HBS1L: variants seen among roughly 807,000 people sequenced by gnomAD.
The protein encoded by HBS1L is HBS1 like translational GTPase, also known as HBS1-like protein.
Under a neutral mutation model 88.9 loss-of-function variants are expected in HBS1L, and 55 were observed. That is an observed-to-expected ratio of 0.62 (90% confidence interval 0.50 to 0.77). HBS1L has a LOEUF of 0.77. HBS1L is among the 30% of genes least tolerant of loss of function. HBS1L has a pLI of 0.00. For synonymous variants in HBS1L, 267 were observed against 288.5 expected (o/e 0.93, Z 0.76); for missense variants, 741 against 829.3 (o/e 0.89, Z 1.31).
At chr6:135,010,500 T>C (rs1775745458) in intron 4 of HBS1L, among the ~76,000 whole-genome samples, 2 of 152,232 alleles carry the variant, frequency 1.3e-5, no homozygotes, top group Admixed American at 6.5e-5. Context: ...TGGCTATTTC[T>C]GTACCTATTA....
intron 5 of HBS1L, 87 bp from the exon 6 acceptor site, chr6:134,997,743 A>C (rs776839389): frequency 1.2e-5 from 15 of 1,217,528 alleles, no homozygotes; most frequent in Non-Finnish European, 1.6e-5. Flanking sequence ...CTGTTTCTTC[A>C]TAATCCTTTA....
At chr6:135,037,527 G>A in intron 4 of HBS1L, 1 of 1,550,482 alleles carries the variant, frequency 6.4e-7, no homozygotes, top group South Asian at 1.2e-5. Context: ...GTACTGGAAT[G>A]TTTTGAAAAT....
Position 134,979,290 on chromosome 6 carries a change from A to G in HBS1L, c.1598-22T>C, listed in dbSNP as rs1249568233. On this transcript the variant is annotated intron_variant, in intron 13 of 17. Transcript: ENST00000367837. ...ATTCCTGGAAATGAGTAAGAACCAA[A>G]GCATACAGTGAAACACCTCGATATC... 2.5e-6 allele frequency: 4 copies of G among 1,577,790 alleles called. No homozygotes were observed. The Admixed American group carries it at 6.7e-5, about 26-fold the overall frequency.
chr6:135,023,114 A>G (rs1776120405), intron 4 of HBS1L, among the ~76,000 whole-genome samples: 2 of 151,880 alleles, frequency 1.3e-5, no homozygotes, highest in African/African-American at 2.4e-5. Context: ...AACTTCTTGA[A>G]GTTCCCTACT....
At chr6:135,031,821 T>A (rs1419657221) in intron 4 of HBS1L, among the ~76,000 whole-genome samples, 3 of 151,744 alleles carry the variant, frequency 2.0e-5, no homozygotes, top group South Asian at 2.1e-4. Context: ...ACGCATTTTA[T>A]CAGTTTTGTT....
chr6:135,025,559 C>T (rs1000599236), intron 4 of HBS1L, among the ~76,000 whole-genome samples: 1 of 152,136 alleles, frequency 6.6e-6, no homozygotes, highest in Non-Finnish European at 1.5e-5. Context: ...GGATAAACAG[C>T]AAGTTCGAGA....
At chr6:135,006,178 C>T (rs1775605909) in intron 4 of HBS1L, among the ~76,000 whole-genome samples, 1 of 152,018 alleles carries the variant, frequency 6.6e-6, no homozygotes, top group Non-Finnish European at 1.5e-5. Flanking sequence ...ATTGAAATTA[C>T]AAATAATGAA....
intron 2 of HBS1L, among the ~76,000 whole-genome samples, chr6:135,043,479 T>C (rs1432098355): frequency 6.6e-6 from 1 of 152,194 alleles, no homozygotes; most frequent in Non-Finnish European, 1.5e-5. Flanking sequence ...AGATAATGCA[T>C]AGAACATAAA....
intron 3 of HBS1L, among the ~76,000 whole-genome samples, chr6:135,041,226 T>C (rs1767242546): frequency 6.6e-6 from 1 of 152,094 alleles, no homozygotes; most frequent in African/African-American, 2.4e-5. Flanking sequence ...TGGGCAATTC[T>C]GCTTTGCTTC....
intron 2 of HBS1L, among the ~76,000 whole-genome samples, chr6:135,047,726 A>AT (rs892628472): frequency 6.6e-6 from 1 of 152,160 alleles, no homozygotes; most frequent in Non-Finnish European, 1.5e-5. Context: ...TGTATTAGAG[A>AT]TTTTTTTAAC....
At chr6:135,037,586 C>T in intron 4 of HBS1L, 1 of 1,547,734 alleles carries the variant, frequency 6.5e-7, no homozygotes, top group Non-Finnish European at 8.7e-7. Context: ...GGTGTTGTGC[C>T]CTTTATGATT....
chr6:134,998,225 G>A (rs1303795036), intron 5 of HBS1L, among the ~76,000 whole-genome samples: 1 of 152,138 alleles, frequency 6.6e-6, no homozygotes, highest in Non-Finnish European at 1.5e-5. Context: ...AGGGACTGAT[G>A]TCAAAAAGAA....
intron 4 of HBS1L, among the ~76,000 whole-genome samples, chr6:135,015,704 C>T (rs1227414737): frequency 6.6e-6 from 1 of 151,226 alleles, no homozygotes; most frequent in Non-Finnish European, 1.5e-5. Flanking sequence ...GCCTCAGCCT[C>T]CCCAGTAGCT....
At chr6:134,997,372 G>C in intron 6 of HBS1L, 25 bp downstream of exon 6, 1 of 1,612,224 alleles carries the variant, frequency 6.2e-7, no homozygotes, top group Middle Eastern at 1.7e-4. Flanking sequence ...GCTGGCTGAC[G>C]ATCCAGAGGG....
chr6:135,004,860 T>C (rs572408448), intron 4 of HBS1L, among the ~76,000 whole-genome samples: 4 of 152,138 alleles, frequency 2.6e-5, no homozygotes, highest in East Asian at 1.9e-4. Context: ...ATTGAAGACA[T>C]AGATACAGGC....
chr6:134,965,005 AC>A lies in HBS1L; in HGVS notation c.*273del. 2 of 483,010 alleles carry A rather than the reference AC, an allele frequency of 4.1e-6. No individual in the cohort carries two copies. The highest frequency in any genetic ancestry group is 7.4e-6 in the Non-Finnish European group (2 of 271,634). The allele number at this position is 483,010 out of a possible 1,614,324, so 29.9% of individuals were successfully genotyped here. On this transcript the variant is annotated 3_prime_UTR_variant, in exon 18 of 18. Transcript: ENST00000367837. ...TCAGTATCTTCAGATACTATTTTTG[AC>A]ACTTGCCATAAATCTTAGCAAAGTA...
rs771901028 is a variant in HBS1L, at chr6:134,978,770, C to CA, written c.1705dup (p.Cys569LeufsTer8). 6.2e-7 allele frequency: 1 copy of CA among 1,603,224 alleles called. No individual in the cohort carries two copies. Among genetic ancestry groups the CA allele is most frequent in the Non-Finnish European group, 8.5e-7 (1 of 1,173,762 alleles). ...AGCTTTAATGGGTACTTTGGGGCCACAAAATATGCAGCCAACACTGTAAGA... is the reference window on the plus strand; with the variant it reads ...AGCTTTAATGGGTACTTTGGGGCCACAAAAATATGCAGCCAACACTGTAAGA... On this transcript the variant is annotated frameshift_variant, in exon 15 of 18. Transcript: ENST00000367837. LOFTEE classifies it high-confidence loss of function.
At position 135,029,637 on chromosome 6, in the gene HBS1L, C is replaced by T. The variant is rs569290826; in HGVS notation, c.430+9936G>A. The stretch of plus-strand genomic sequence containing the variant: ...TCAATTTCTATTAAGGGCAATTAGG[C>T]AATATCTATCCAAAACTTTCAAGTA... On this transcript the variant is annotated intron_variant, in intron 4 of 17. Transcript: ENST00000367837. Among the ~76,000 whole-genome samples, 13 of 152,154 alleles carry T rather than the reference C, an allele frequency of 8.5e-5. No homozygotes were observed. In the South Asian group the frequency reaches 2.5e-3, roughly 29 times the overall value.
intron 4 of HBS1L, among the ~76,000 whole-genome samples, chr6:135,007,305 G>A (rs992491942): frequency 1.3e-5 from 2 of 152,000 alleles, no homozygotes; most frequent in African/African-American, 4.8e-5. Context: ...TTAAAGCAGT[G>A]GTTCTTAAAT....
Sources: allele counts gnomAD v4.1 joint callset (sites outside exome capture counted in the v4.1 genomes callset), GRCh38; gene constraint gnomAD v4.1.1; transcripts MANE v1.5; gene names NCBI Gene and HGNC (gene_info 2026-07-23, HGNC 2026-07-21).